The following RBM6 variants were observed in gnomAD, a reference collection of about 807,000 sequenced individuals.
RBM6 encodes the protein RNA-binding protein 6.
Under a neutral mutation model 140.4 loss-of-function variants are expected in RBM6, and 23 were observed. The ratio of observed to expected loss-of-function variants is 0.16; its 90% CI spans 0.12 to 0.23. The LOEUF (loss-of-function observed/expected upper bound fraction) is 0.23. RBM6 is among the 10% of genes least tolerant of loss of function. The probability of loss-of-function intolerance (pLI) is 1.00; values close to 1 mark genes in which losing one functional copy is unlikely to be tolerated. For synonymous variants in RBM6, 439 were observed against 475.6 expected (o/e 0.92, Z 1.00); for missense variants, 1,139 against 1,386.7 (o/e 0.82, Z 2.84).
intron 4 of RBM6, among the ~76,000 whole-genome samples, chr3:49,974,726 G>T (rs1423366245): frequency 8.4e-6 from 1 of 119,642 alleles, no homozygotes; most frequent in Non-Finnish European, 1.6e-5. Flanking sequence ...TCGCTCTGTT[G>T]CCCAGGCTGG....
chr3:50,022,629 A>T (rs530765328), intron 6 of RBM6, among the ~76,000 whole-genome samples: 1 of 152,132 alleles, frequency 6.6e-6, no homozygotes, highest in African/African-American at 2.4e-5. Flanking sequence ...CGCACCTGAC[A>T]AATGATGTAG....
chr3:49,996,906 C>T (rs1283948842), intron 5 of RBM6, among the ~76,000 whole-genome samples: 1 of 152,142 alleles, frequency 6.6e-6, no homozygotes, highest in African/African-American at 2.4e-5. Context: ...GCATTTAAAG[C>T]TCAGTATTGG....
In RBM6 at chr3:49,968,160, A is replaced by G. The variant is rs376290182; in HGVS notation, c.735A>G (p.Leu245=). ...FRGRGSGTTD[L]DFRDRDTPHS... ...GCCGAGGTTCAGGTACTACTGATCT[A>G]GACTTTAGGGACAGGGATACGCCAC... is the stretch of plus-strand genomic sequence containing the variant. The change falls in exon 3 of 21, where the codon CTA becomes CTG. Residue 245 remains leucine, a synonymous_variant. Transcript: ENST00000266022. The G allele has an allele frequency of 2.7e-5, 43 of 1,614,066 alleles. 1 individual carries two copies. The African/African-American group carries it at 4.8e-4, about 18-fold the overall frequency.
At chr3:49,997,023 T>G (rs144387400) in intron 5 of RBM6, among the ~76,000 whole-genome samples, 74 of 152,318 alleles carry the variant, frequency 4.9e-4, no homozygotes, top group Non-Finnish European at 8.7e-4. Flanking sequence ...ATTGTGAATA[T>G]TAAATCAGTA....
chr3:49,969,389 T>A (rs1386511840), intron 3 of RBM6, among the ~76,000 whole-genome samples: 1 of 148,668 alleles, frequency 6.7e-6, no homozygotes, highest in Non-Finnish European at 1.5e-5. Flanking sequence ...AAATTTGTAT[T>A]CAGGAGTGGA....
intron 6 of RBM6, among the ~76,000 whole-genome samples, chr3:50,020,921 C>T (rs572150491): frequency 2.0e-5 from 3 of 152,218 alleles, no homozygotes; most frequent in Admixed American, 6.5e-5. Context: ...GACCATAATT[C>T]GGAATATTTT....
At chr3:50,005,410 A>G (rs897322722) in intron 6 of RBM6, among the ~76,000 whole-genome samples, 4 of 149,650 alleles carry the variant, frequency 2.7e-5, no homozygotes, top group African/African-American at 9.8e-5. Context: ...AAGTGGGAGG[A>G]TTGCTTGAGC....
At chr3:50,004,003 T>C (rs1233881749) in intron 6 of RBM6, among the ~76,000 whole-genome samples, 1 of 152,240 alleles carries the variant, frequency 6.6e-6, no homozygotes, top group Non-Finnish European at 1.5e-5. Context: ...GCCCTTGCAC[T>C]GGGACTTGGG....
At chr3:49,975,901 C>T (rs2085042764) in intron 5 of RBM6, among the ~76,000 whole-genome samples, 1 of 152,108 alleles carries the variant, frequency 6.6e-6, no homozygotes, top group African/African-American at 2.4e-5. Context: ...AGAGCTTTCC[C>T]TTTGACATCT....
intron 10 of RBM6, 197 bp downstream of exon 10, chr3:50,058,759 CA>C (rs1559642293): frequency 4.9e-6 from 2 of 409,152 alleles, no homozygotes; most frequent in African/African-American, 4.0e-5. Context: ...CTAAAAAATA[CA>C]GAAAAATTAG....
intron 6 of RBM6, among the ~76,000 whole-genome samples, chr3:50,040,555 TAC>T (rs1485862605): frequency 1.2e-4 from 18 of 147,750 alleles, no homozygotes; most frequent in African/African-American, 1.5e-4. Flanking sequence ...CATATATATA[TAC>T]ACACACATGT....
intron 19 of RBM6, among the ~76,000 whole-genome samples, 173 bp downstream of exon 19, chr3:50,070,725 G>A (rs927648678): frequency 7.2e-5 from 11 of 152,180 alleles, no homozygotes; most frequent in African/African-American, 1.7e-4. Flanking sequence ...GTCTTTATAC[G>A]GGGAGTGTAC....
chr3:50,054,041 C>A, intron 7 of RBM6: 1 of 297,580 alleles, frequency 3.4e-6, no homozygotes, highest in South Asian at 6.6e-5. Flanking sequence ...TTCTATAAAC[C>A]ATGTAACAGT....
chr3:50,062,949 A>G (rs2089995719), intron 15 of RBM6, among the ~76,000 whole-genome samples: 1 of 140,400 alleles, frequency 7.1e-6, no homozygotes. Flanking sequence ...GTTGGAGTGC[A>G]GTGGCATGAT....
At chr3:50,067,455 T>G (rs2090160037) in intron 17 of RBM6, among the ~76,000 whole-genome samples, 1 of 152,194 alleles carries the variant, frequency 6.6e-6, no homozygotes, top group Non-Finnish European at 1.5e-5. Flanking sequence ...CTTAGCTGTG[T>G]CATTAACGTT....
intron 15 of RBM6, among the ~76,000 whole-genome samples, chr3:50,063,610 A>G (rs1399754458): frequency 6.6e-6 from 1 of 151,798 alleles, no homozygotes; most frequent in Non-Finnish European, 1.5e-5. Flanking sequence ...AAAAAAAAAA[A>G]AGAAAATCTG....
intron 7 of RBM6, among the ~76,000 whole-genome samples, chr3:50,053,571 G>T (rs777113475): frequency 1.4e-4 from 21 of 151,404 alleles, no homozygotes; most frequent in Admixed American, 2.6e-4. Flanking sequence ...TGCTACTATT[G>T]TTATTGTTTT....
At chr3:50,061,346 C>A in intron 13 of RBM6, 116 bp from the exon 14 acceptor site, 1 of 1,584,254 alleles carries the variant, frequency 6.3e-7, no homozygotes, top group Non-Finnish European at 8.6e-7. Context: ...CAGAGAGAGG[C>A]ATCTGTAGAT....
chr3:49,981,655 C>G (rs2085309755), intron 5 of RBM6: 1 of 152,162 alleles, frequency 6.6e-6, no homozygotes, highest in African/African-American at 2.4e-5. Flanking sequence ...GGAGAAGGAG[C>G]TGGAGTAGTG....
Sources: allele counts gnomAD v4.1 joint callset (sites outside exome capture counted in the v4.1 genomes callset), GRCh38; gene constraint gnomAD v4.1.1; transcripts MANE v1.5; gene names NCBI Gene and HGNC (gene_info 2026-07-23, HGNC 2026-07-21).